The following FCHSD2 variants were observed in gnomAD, a reference collection of about 807,000 sequenced individuals.
FCHSD2 encodes the protein FCH and double SH3 domains 2, also known as F-BAR and double SH3 domains protein 2.
In FCHSD2, 38 loss-of-function variants were observed where a neutral mutation model predicts 108.1. The observed-to-expected ratio is 0.35, with a 90% CI of 0.27 to 0.46. The LOEUF is 0.46. Among genes scored for constraint, FCHSD2 ranks in the 20% least tolerant of loss-of-function variants. The probability of loss-of-function intolerance (pLI) is 1.00; values close to 1 mark genes in which losing one functional copy is unlikely to be tolerated. For missense variants in FCHSD2, 751 were observed against 897.8 expected (o/e 0.84, Z 2.09); for synonymous variants, 279 against 314.7 (o/e 0.89, Z 1.20).
intron 11 of FCHSD2, among the ~76,000 whole-genome samples, chr11:72,888,713 G>A (rs1855250680): frequency 6.6e-6 from 1 of 151,476 alleles, no homozygotes; most frequent in Admixed American, 6.6e-5. Context: ...CCACCTCCCG[G>A]GCTCAAGCAA....
chr11:73,122,233 T>C (rs184927960), intron 2 of FCHSD2, among the ~76,000 whole-genome samples: 1 of 152,214 alleles, frequency 6.6e-6, no homozygotes, highest in African/African-American at 2.4e-5. Context: ...TCAAATTTTA[T>C]GTTTTCATCA....
rs1857264533 is a variant in FCHSD2, at chr11:72,984,011, C to T, written c.705+77G>A. 5.0e-6 allele frequency: 6 copies of T among 1,200,018 alleles called. No individual in the cohort carries two copies. The East Asian group carries it at 1.5e-4, about 30-fold the overall frequency. The allele number at this position is 1,200,018 out of a possible 1,614,324, so 74.3% of individuals were successfully genotyped here. On this transcript the variant is annotated intron_variant, in intron 8 of 19. Transcript: ENST00000409418. ...GGCTACTCTTTTATAGATTCAATCCCATAAACCCAACACCCAACTTAAGTT... is the reference window on the plus strand; with the variant it reads ...GGCTACTCTTTTATAGATTCAATCCTATAAACCCAACACCCAACTTAAGTT...
intron 12 of FCHSD2, among the ~76,000 whole-genome samples, chr11:72,873,496 C>A (rs1446252187): frequency 6.6e-6 from 1 of 152,126 alleles, no homozygotes; most frequent in Admixed American, 6.5e-5. Context: ...CTATCAGATA[C>A]ATGATTTGCA....
chr11:72,842,562 C>G, intron 17 of FCHSD2, 59 bp downstream of exon 17: 1 of 1,603,624 alleles, frequency 6.2e-7, no homozygotes, highest in Non-Finnish European at 8.5e-7. Flanking sequence ...ATCCACAGAC[C>G]CTTTGGGAGC....
At chr11:73,086,774 A>C (rs565621229) in intron 2 of FCHSD2, among the ~76,000 whole-genome samples, 29 of 152,254 alleles carry the variant, frequency 1.9e-4, no homozygotes, top group Non-Finnish European at 3.7e-4. Flanking sequence ...GTACACCAGC[A>C]AATTAGATAA....
At chr11:73,097,963 T>C (rs970536848) in intron 2 of FCHSD2, among the ~76,000 whole-genome samples, 2 of 152,314 alleles carry the variant, frequency 1.3e-5, no homozygotes, top group Admixed American at 6.5e-5. Context: ...GCATAGCCCA[T>C]GGTGCCCAGC....
intron 8 of FCHSD2, among the ~76,000 whole-genome samples, chr11:72,956,948 A>C (rs1157175290): frequency 6.6e-6 from 1 of 151,940 alleles, no homozygotes; most frequent in African/African-American, 2.4e-5. Context: ...AAGACACAGC[A>C]TCATTTCTGA....
intron 2 of FCHSD2, among the ~76,000 whole-genome samples, chr11:73,128,898 G>C (rs1860922221): frequency 6.6e-6 from 1 of 152,168 alleles, no homozygotes; most frequent in African/African-American, 2.4e-5. Flanking sequence ...TTGAGACAGA[G>C]TCTCGCTCTG....
chr11:72,903,400 T>A (rs946508082), intron 9 of FCHSD2, among the ~76,000 whole-genome samples: 3 of 152,132 alleles, frequency 2.0e-5, no homozygotes, highest in Middle Eastern at 3.4e-3. Flanking sequence ...TGTATTTTTT[T>A]AGTAGAGATG....
intron 2 of FCHSD2, among the ~76,000 whole-genome samples, chr11:73,132,970 T>G (rs1362332640): frequency 6.6e-6 from 1 of 152,158 alleles, no homozygotes; most frequent in Non-Finnish European, 1.5e-5. Context: ...TGAATAGACA[T>G]TTCTTCAAAG....
At chr11:72,869,685 A>G (rs1219926044) in intron 12 of FCHSD2, 1 of 152,274 alleles carries the variant, frequency 6.6e-6, no homozygotes, top group African/African-American at 2.4e-5. Flanking sequence ...GGTATTGATG[A>G]TAGATCAAAT....
intron 2 of FCHSD2, among the ~76,000 whole-genome samples, chr11:73,096,527 G>C (rs1274471803): frequency 6.6e-6 from 1 of 152,100 alleles, no homozygotes; most frequent in Non-Finnish European, 1.5e-5. Flanking sequence ...CTCCAGCCTG[G>C]GTGGCAGAGC....
chr11:73,131,718 A>T (rs986467328), intron 2 of FCHSD2, among the ~76,000 whole-genome samples: 2 of 151,610 alleles, frequency 1.3e-5, no homozygotes, highest in East Asian at 1.9e-4. Flanking sequence ...AAAAAAAAAA[A>T]TTAAAAAATT....
chr11:72,837,173 G>C lies in FCHSD2; in HGVS notation c.*1618C>G, dbSNP rs1288379189. The C allele has an allele frequency of 1.3e-5, 2 of 151,802 alleles. No individual in the cohort carries two copies. Among genetic ancestry groups the C allele is most frequent in the Non-Finnish European group, 2.9e-5 (2 of 67,934 alleles). 9.4% of individuals were successfully genotyped at this position (151,802 alleles called of 1,614,324 possible). A position where few individuals can be genotyped will look rare whatever the true frequency, so the allele number is the denominator to read the frequency against. The stretch of plus-strand genomic sequence containing the variant: ...CTTTTAATTTCTTTTTTAAACTTAA[G>C]AATAAGTTTGATAAACACAAAAGAC... On this transcript the variant is annotated 3_prime_UTR_variant, in exon 20 of 20. Coordinates refer to ENST00000409418, the MANE Select transcript of FCHSD2 (RefSeq NM_014824.3).
At chr11:73,086,496 A>G (rs1244002650) in intron 2 of FCHSD2, among the ~76,000 whole-genome samples, 1 of 152,244 alleles carries the variant, frequency 6.6e-6, no homozygotes, top group African/African-American at 2.4e-5. Context: ...AGAACAAATT[A>G]AACCCAAAGT....
intron 3 of FCHSD2, among the ~76,000 whole-genome samples, chr11:73,080,681 C>T (rs1447610906): frequency 6.6e-6 from 1 of 152,104 alleles, no homozygotes; most frequent in Admixed American, 6.5e-5. Flanking sequence ...TGGTGGCTCA[C>T]ACCTGTAATC....
intron 1 of FCHSD2, among the ~76,000 whole-genome samples, chr11:73,140,644 C>A (rs1861224010): frequency 6.6e-6 from 1 of 152,196 alleles, no homozygotes; most frequent in Non-Finnish European, 1.5e-5. Context: ...CAGAATGATG[C>A]CCTCGACTTG....
chr11:73,140,241 C>T (rs1179011255), intron 1 of FCHSD2, 113 bp from the exon 2 acceptor site: 1 of 539,772 alleles, frequency 1.9e-6, no homozygotes, highest in Admixed American at 3.7e-5. Context: ...CCCCTGAAGG[C>T]CATAAATCCA....
At chr11:72,986,058 T>C (rs1191830180) in intron 6 of FCHSD2, among the ~76,000 whole-genome samples, 1 of 152,118 alleles carries the variant, frequency 6.6e-6, no homozygotes, top group Admixed American at 6.5e-5. Flanking sequence ...GTGAAGAGGA[T>C]AGGAAAAGCA....
Sources: gnomAD v4.1 joint callset for allele counts (sites outside exome capture counted in the v4.1 genomes callset) on GRCh38, gnomAD v4.1.1 for gene constraint, MANE v1.5 for transcripts, NCBI Gene and HGNC (gene_info 2026-07-23, HGNC 2026-07-21) for gene names.